Variants in ADCY7 observed in about 807,000 individuals in gnomAD.
ADCY7 encodes the protein adenylate cyclase 7, also known as adenylate cyclase type 7.
ADCY7 carries 72 observed loss-of-function variants against 120.6 expected under a neutral mutation model. The ratio of observed to expected loss-of-function variants is 0.60; its 90% confidence interval spans 0.49 to 0.73. The LOEUF is 0.73. Among genes scored for constraint, ADCY7 ranks in the 30% least tolerant of loss-of-function variants. The probability of loss-of-function intolerance (pLI) is 0.00; values close to 1 mark genes in which losing one functional copy is unlikely to be tolerated. For synonymous variants in ADCY7, 661 were observed against 628.0 expected, an observed-to-expected ratio of 1.05 and a Z score of -0.78; for missense variants, 1,227 against 1,486.0, an observed-to-expected ratio of 0.83 and a Z score of 2.87.
chr16:50,284,384 TC>T, intron 1 of ADCY7, among the ~76,000 whole-genome samples: 1 of 152,356 alleles, frequency 6.6e-6, no homozygotes, highest in Non-Finnish European at 1.5e-5. Context: ...AGGCCTGTGT[TC>T]CCACGGGCCC....
At chr16:50,256,544 A>C (rs1273471202) in intron 1 of ADCY7, among the ~76,000 whole-genome samples, 10 of 152,134 alleles carry the variant, frequency 6.6e-5, no homozygotes, top group Admixed American at 6.5e-4. Flanking sequence ...CTCTACAAAA[A>C]ATAAAAAAAC....
At chr16:50,257,348 G>C (rs2032945325) in intron 1 of ADCY7, among the ~76,000 whole-genome samples, 1 of 152,082 alleles carries the variant, frequency 6.6e-6, no homozygotes, top group Admixed American at 6.6e-5. Context: ...ATAGAGAGAG[G>C]TCAGTCAAAG....
chr16:50,315,732 G>C lies in ADCY7; in HGVS notation c.*227G>C. The C allele has an allele frequency of 2.1e-6, 1 of 481,640 alleles. No homozygotes were observed. Among genetic ancestry groups the C allele is most frequent in the Non-Finnish European group, 3.7e-6 (1 of 271,222 alleles). The allele number at this position is 481,640 out of a possible 1,614,324, so 29.8% of individuals were successfully genotyped here. On this transcript the variant is annotated 3_prime_UTR_variant, in exon 26 of 26. Coordinates refer to ENST00000673801, the MANE Select transcript of ADCY7 (RefSeq NM_001114.5). ...GGGGAGGCCAGAAGCTCTGTGCCTG[G>C]TCTGTAACAGTTTCCAGGCCAGCTG...
intron 20 of ADCY7, 87 bp from the exon 21 acceptor site, chr16:50,311,949 G>C (rs2036509354): frequency 6.3e-7 from 1 of 1,579,852 alleles, no homozygotes; most frequent in Non-Finnish European, 8.6e-7. Context: ...AAGGACGCCA[G>C]GGACAGACAG....
chr16:50,277,187 A>C (rs1285114289), intron 1 of ADCY7, among the ~76,000 whole-genome samples: 1 of 152,138 alleles, frequency 6.6e-6, no homozygotes, highest in Non-Finnish European at 1.5e-5. Context: ...GTTGTATCAT[A>C]ATTTATTTCA....
intron 1 of ADCY7, among the ~76,000 whole-genome samples, chr16:50,257,131 G>T (rs1011788371): frequency 1.3e-5 from 2 of 152,150 alleles, no homozygotes; most frequent in African/African-American, 4.8e-5. Flanking sequence ...TGTCATCTCA[G>T]CTCTTTGGGA....
At chr16:50,308,587 A>G (rs1182091849) in intron 16 of ADCY7, 80 bp from the exon 17 acceptor site, 2 of 1,556,058 alleles carry the variant, frequency 1.3e-6, no homozygotes, top group African/African-American at 2.7e-5. Flanking sequence ...TCCCGAGGAT[A>G]CCCCTCCCCA....
chr16:50,245,072 C>CG (rs1404126003), upstream of ADCY7, among the ~76,000 whole-genome samples: 1 of 152,178 alleles, frequency 6.6e-6, no homozygotes, highest in Non-Finnish European at 1.5e-5. Flanking sequence ...AGGCCCACCG[C>CG]GGGGGGCAAC....
chr16:50,269,520 G>A (rs927189999), intron 1 of ADCY7, among the ~76,000 whole-genome samples: 5 of 152,308 alleles, frequency 3.3e-5, no homozygotes, highest in Admixed American at 2.0e-4. Context: ...CTGCGTGGCT[G>A]GGCCAGGGTG....
At chr16:50,260,215 G>A (rs751133263) in intron 1 of ADCY7, among the ~76,000 whole-genome samples, 4 of 152,238 alleles carry the variant, frequency 2.6e-5, no homozygotes, top group Non-Finnish European at 4.4e-5. Context: ...CAGAAATGTC[G>A]TGAGGTCCTG....
At chr16:50,305,415 G>A in intron 12 of ADCY7, 88 bp from the exon 13 acceptor site, 1 of 1,169,824 alleles carries the variant, frequency 8.5e-7, no homozygotes, top group Non-Finnish European at 1.3e-6. Context: ...GAGGTTCTGG[G>A]ACCCCACTGG....
chr16:50,297,420 CCTGGTCCGAGAGGAGA>C lies in ADCY7; in HGVS notation c.949-1483_949-1468del. 6.6e-6 allele frequency among the ~76,000 whole-genome samples: 1 copy of C among 152,300 alleles called. No homozygotes were observed. Among genetic ancestry groups the C allele is most frequent in the Non-Finnish European group, 1.5e-5 (1 of 68,016 alleles). ...GGCTGGGTCCATGGGCAGTCCTGTG[CCTGGTCCGAGAGGAGA>C]TCAGGGTAGCTGGAGCCTAGTATCC... On this transcript the variant is annotated intron_variant, in intron 7 of 25. Coordinates refer to ENST00000673801, the MANE Select transcript of ADCY7 (RefSeq NM_001114.5). This position sits in a 1 kb window ranked among gnomAD's most constrained non-coding sequence, Gnocchi z 4.4.
intron 1 of ADCY7, among the ~76,000 whole-genome samples, chr16:50,258,040 T>C (rs9924372): frequency 0.62 from 94,013 of 152,050 alleles, 29,972 homozygotes; most frequent in African/African-American, 0.76. Flanking sequence ...CCACCGTGCC[T>C]GGCCTATATG....
chr16:50,268,858 G>A (rs969842248), intron 1 of ADCY7, among the ~76,000 whole-genome samples: 1 of 152,074 alleles, frequency 6.6e-6, no homozygotes, highest in African/African-American at 2.4e-5. Flanking sequence ...GCAACATGGC[G>A]AAACCCCGTC....
chr16:50,314,267 A>G, intron 23 of ADCY7, 25 bp from the exon 24 acceptor site: 1 of 1,608,206 alleles, frequency 6.2e-7, no homozygotes, highest in Non-Finnish European at 8.5e-7. Context: ...AGATGCAAGG[A>G]TCTGACCCAC....
intron 1 of ADCY7, among the ~76,000 whole-genome samples, chr16:50,268,812 G>A (rs1364697325): frequency 2.6e-5 from 4 of 152,252 alleles, no homozygotes; most frequent in Admixed American, 6.5e-5. Context: ...CAAGGTGGGC[G>A]GATCACTTGA....
chr16:50,269,675 C>A (rs536533164), intron 1 of ADCY7, among the ~76,000 whole-genome samples: 88 of 152,308 alleles, frequency 5.8e-4, no homozygotes, highest in Non-Finnish European at 9.3e-4. Context: ...CTCCCTCCTG[C>A]TGTCCTGGAG....
intron 1 of ADCY7, among the ~76,000 whole-genome samples, chr16:50,278,547 AC>A (rs1355284766): frequency 2.6e-5 from 4 of 152,040 alleles, no homozygotes; most frequent in Non-Finnish European, 2.9e-5. Context: ...GGTAATTTTT[AC>A]CATGTATATT....
chr16:50,254,049 G>A (rs925258087), intron 1 of ADCY7, among the ~76,000 whole-genome samples: 17 of 152,128 alleles, frequency 1.1e-4, no homozygotes, highest in East Asian at 3.8e-4. Flanking sequence ...CTGAGACCTC[G>A]GGGGAGTTAC....
Sources: gnomAD v4.1 joint callset for allele counts (sites outside exome capture counted in the v4.1 genomes callset) on GRCh38, gnomAD v4.1.1 for gene constraint, Gnocchi (gnomAD v3.1) non-coding constraint, MANE v1.5 for transcripts, NCBI Gene and HGNC (gene_info 2026-07-23, HGNC 2026-07-21) for gene names.